JPH3: variants seen among roughly 807,000 people sequenced by gnomAD.
The protein encoded by JPH3 is junctophilin 3.
In JPH3, 11 loss-of-function variants were observed where a neutral mutation model predicts 59.6. That is an observed-to-expected ratio of 0.18 (90% CI 0.12 to 0.31). The LOEUF is 0.31. JPH3 is among the 10% of genes least tolerant of loss of function. The probability of loss-of-function intolerance (pLI) is 1.00; values close to 1 mark genes in which losing one functional copy is unlikely to be tolerated. For missense variants in JPH3, 1,202 were observed against 1,105.7 expected, an observed-to-expected ratio of 1.09 and a Z score of -1.24; for synonymous variants, 673 against 483.6, an observed-to-expected ratio of 1.39 and a Z score of -5.14.
Position 87,603,422 on chromosome 16 carries a change from G to A in JPH3, c.276G>A (p.Lys92=). Residue 92 remains lysine, a synonymous_variant, in exon 1 of 5, where the codon AAG becomes AAA. Transcript: ENST00000284262. ...VYKGEWTHGF[K]GRYGVRECAG... is the part of the protein sequence containing the mutation. Reference sequence around the variant, plus strand: ...AGGGCGAGTGGACGCACGGATTCAAGGGGCGCTACGGGGTGCGGGAGTGCG... The same window carrying A: ...AGGGCGAGTGGACGCACGGATTCAAAGGGCGCTACGGGGTGCGGGAGTGCG... 6.3e-7 allele frequency: 1 copy of A among 1,579,418 alleles called. No individual in the cohort carries two copies.
intron 1 of JPH3, among the ~76,000 whole-genome samples, 180 bp from the exon 2 acceptor site, chr16:87,644,078 T>C (rs2032047527): frequency 6.6e-6 from 1 of 152,184 alleles, no homozygotes; most frequent in South Asian, 2.1e-4. Context: ...TTCCTGGCTG[T>C]CGTGAGCTGT....
intron 2 of JPH3, among the ~76,000 whole-genome samples, chr16:87,663,707 GC>G (rs1432367434): frequency 2.6e-5 from 4 of 152,106 alleles, no homozygotes; most frequent in Non-Finnish European, 5.9e-5. Flanking sequence ...CGTCTCCACT[GC>G]CCCGTCTCTG....
intron 1 of JPH3, among the ~76,000 whole-genome samples, chr16:87,613,895 C>T (rs1040767639): frequency 6.6e-6 from 1 of 152,188 alleles, no homozygotes; most frequent in East Asian, 1.9e-4. Flanking sequence ...AAAGGTGAGG[C>T]TCACAGGGTC....
At chr16:87,627,070 G>A (rs1276548611) in intron 1 of JPH3, among the ~76,000 whole-genome samples, 3 of 152,262 alleles carry the variant, frequency 2.0e-5, no homozygotes, top group Middle Eastern at 3.2e-3. Context: ...CCTCAAGCCC[G>A]GGCCTGCCCC....
chr16:87,630,978 C>G (rs768272534), intron 1 of JPH3, among the ~76,000 whole-genome samples: 1 of 152,210 alleles, frequency 6.6e-6, no homozygotes, highest in Non-Finnish European at 1.5e-5. Flanking sequence ...TGATTCTGTA[C>G]ACTTCTCATG....
chr16:87,686,020 CAG>C (rs1169948199), intron 3 of JPH3, among the ~76,000 whole-genome samples: 4 of 152,270 alleles, frequency 2.6e-5, no homozygotes, highest in African/African-American at 4.8e-5. Flanking sequence ...GAGGAGGAGA[CAG>C]GGGCGGATGG....
In JPH3 at chr16:87,645,045, C is replaced by T. The variant is rs369831493; in HGVS notation, c.1160+10C>T. The stretch of plus-strand genomic sequence containing the variant: ...AGATCGCGGCTTCCAGGTAGGAGGG[C>T]GAGGGGGCGGGGGGCCCTTCTTGGT... On this transcript the variant is annotated intron_variant, in intron 2 of 4. Transcript: ENST00000284262. The T allele has an allele frequency of 1.9e-4, 310 of 1,594,200 alleles. No homozygotes were observed. Among genetic ancestry groups the T allele is most frequent in the South Asian group, 2.8e-4 (25 of 89,870 alleles).
At chr16:87,636,729 A>G (rs1381984522) in intron 1 of JPH3, among the ~76,000 whole-genome samples, 1 of 152,244 alleles carries the variant, frequency 6.6e-6, no homozygotes, top group Non-Finnish European at 1.5e-5. Context: ...AACACCGTGC[A>G]GTTGCAAACA....
intron 1 of JPH3, among the ~76,000 whole-genome samples, chr16:87,620,702 G>A (rs777669383): frequency 3.3e-5 from 5 of 152,134 alleles, no homozygotes; most frequent in African/African-American, 9.7e-5. Context: ...CCTGTGAGGC[G>A]CTGTCCTCCT....
chr16:87,618,283 G>T (rs1043109268), intron 1 of JPH3, among the ~76,000 whole-genome samples: 1 of 152,210 alleles, frequency 6.6e-6, no homozygotes, highest in Non-Finnish European at 1.5e-5. Flanking sequence ...CCCAGGACTC[G>T]AGAAGTGGGC....
rs372289289 is a variant in JPH3 at position 87,603,239 on chromosome 16, C to T, written c.93C>T (p.Thr31=). The part of the protein sequence containing the change: ...DGKAHGHGVC[T]GPKGQGEYTG... ...AGGCGCACGGCCATGGCGTCTGCACCGGCCCCAAGGGCCAAGGCGAATACA... is the reference window on the plus strand; with the variant it reads ...AGGCGCACGGCCATGGCGTCTGCACTGGCCCCAAGGGCCAAGGCGAATACA... The change falls in exon 1 of 5, where the codon ACC becomes ACT. Residue 31 remains threonine, a synonymous_variant. Coordinates refer to ENST00000284262, the MANE Select transcript of JPH3 (RefSeq NM_020655.4). The T allele has an allele frequency of 6.2e-7, 1 of 1,613,846 alleles. No individual in the cohort carries two copies. The highest frequency in any genetic ancestry group is 8.5e-7 in the Non-Finnish European group (1 of 1,179,918).
At chr16:87,624,815 T>G (rs530553853) in intron 1 of JPH3, among the ~76,000 whole-genome samples, 3 of 152,360 alleles carry the variant, frequency 2.0e-5, no homozygotes, top group African/African-American at 7.2e-5. Context: ...ATTTTATTTT[T>G]TGAGACAGAG....
rs1005722723 is a variant in JPH3, at chr16:87,644,502, C to G, written c.627C>G (p.Ser209Arg). The G allele has an allele frequency of 6.2e-7, 1 of 1,612,884 alleles. No individual in the cohort carries two copies. The highest frequency in any genetic ancestry group is 1.3e-5 in the African/African-American group (1 of 75,048). The stretch of plus-strand genomic sequence containing the variant: ...ACAGTGACTCCGAGATCCTCAAGAG[C>G]AAGAAGAAGGGGCTGTTTCGGCGCT... ...VAHSDSEILK[S>R]KKKGLFRRSL... The change falls in exon 2 of 5, where the codon AGC (serine) becomes AGG (arginine). Residue 209 changes from serine to arginine, a missense_variant. Coordinates refer to ENST00000284262, the MANE Select transcript of JPH3 (RefSeq NM_020655.4).
rs2030314327 is a variant in JPH3, at chr16:87,603,013, C to T, written c.-134C>T. Reference sequence around the variant, plus strand: ...CGCCGCGGCCGCCCGCGCCCGAGACCGCGCTCCGGGGCCGCGTCCTCCTCT... The same window carrying T: ...CGCCGCGGCCGCCCGCGCCCGAGACTGCGCTCCGGGGCCGCGTCCTCCTCT... On this transcript the variant is annotated 5_prime_UTR_variant, in exon 1 of 5. Coordinates refer to ENST00000284262, the MANE Select transcript of JPH3 (RefSeq NM_020655.4). The T allele has an allele frequency of 8.7e-7, 1 of 1,155,192 alleles. No individual in the cohort carries two copies. The highest frequency in any genetic ancestry group is 3.0e-5 in the Admixed American group (1 of 33,274). The allele number at this position is 1,155,192 out of a possible 1,614,324, so 71.6% of individuals were successfully genotyped here.
intron 1 of JPH3, among the ~76,000 whole-genome samples, chr16:87,623,847 G>C (rs778085966): frequency 1.3e-4 from 20 of 152,256 alleles, no homozygotes; most frequent in Non-Finnish European, 2.4e-4. Flanking sequence ...CACATGCCCA[G>C]CTGTGGGGTC....
intron 1 of JPH3, among the ~76,000 whole-genome samples, chr16:87,624,398 G>A (rs1400740914): frequency 2.0e-5 from 3 of 152,124 alleles, no homozygotes; most frequent in East Asian, 1.9e-4. Flanking sequence ...TTTCGCATGC[G>A]TGGAGTCATA....
chr16:87,651,733 A>G (rs1035650971), intron 2 of JPH3, among the ~76,000 whole-genome samples: 3 of 152,232 alleles, frequency 2.0e-5, no homozygotes, highest in African/African-American at 7.2e-5. Context: ...AAACGAGAAA[A>G]TGGTTTCTTG....
rs540205635 is a variant in JPH3, at chr16:87,629,025, C to T, written c.383-15233C>T. On this transcript the variant is annotated intron_variant, in intron 1 of 4. Transcript: ENST00000284262. Reference sequence around the variant, plus strand: ...TGGGGGTGAACAGAAGGGCTGGGTCCGGAGTCTCCAAGGCTCCTTCCAGGC... The same window carrying T: ...TGGGGGTGAACAGAAGGGCTGGGTCTGGAGTCTCCAAGGCTCCTTCCAGGC... Among the ~76,000 whole-genome samples, 12 of 152,154 alleles carry T rather than the reference C, an allele frequency of 7.9e-5. No individual in the cohort carries two copies. In the East Asian group the frequency reaches 1.4e-3, roughly 17 times the overall value.
At chr16:87,674,354 A>C (rs1291841004) in intron 2 of JPH3, among the ~76,000 whole-genome samples, 3 of 152,196 alleles carry the variant, frequency 2.0e-5, no homozygotes. Flanking sequence ...AAAACAAAAA[A>C]AAGCAGGGGC....
Sources: allele counts gnomAD v4.1 joint callset (sites outside exome capture counted in the v4.1 genomes callset), GRCh38; gene constraint gnomAD v4.1.1; transcripts MANE v1.5; gene names NCBI Gene and HGNC (gene_info 2026-07-23, HGNC 2026-07-21).